Variants in SORCS3 observed in about 807,000 individuals in gnomAD.
SORCS3 encodes VPS10 domain-containing receptor SorCS3.
In SORCS3, 57 loss-of-function variants were observed where a neutral mutation model predicts 146.3. The ratio of observed to expected loss-of-function variants is 0.39; its 90% CI spans 0.31 to 0.49. The LOEUF (loss-of-function observed/expected upper bound fraction) is 0.49. Among genes scored for constraint, SORCS3 ranks in the 20% least tolerant of loss-of-function variants. SORCS3 has a pLI of 0.92. For missense variants in SORCS3, 1,341 were observed against 1,575.5 expected (o/e 0.85, Z 2.52); for synonymous variants, 653 against 618.5 (o/e 1.06, Z -0.83).
chr10:104,752,663 A>C (rs2017002465), intron 1 of SORCS3, among the ~76,000 whole-genome samples: 1 of 152,194 alleles, frequency 6.6e-6, no homozygotes, highest in Admixed American at 6.5e-5. Flanking sequence ...GCAGTGATTA[A>C]AATATAACTT....
chr10:105,261,073 A>G (rs1409763167), intron 25 of SORCS3, among the ~76,000 whole-genome samples: 2 of 152,256 alleles, frequency 1.3e-5, no homozygotes, highest in African/African-American at 2.4e-5. Context: ...AGTCGTGTGG[A>G]TAGCAGAGAG....
chr10:104,904,126 G>A (rs183846011), intron 2 of SORCS3, among the ~76,000 whole-genome samples: 2 of 152,164 alleles, frequency 1.3e-5, no homozygotes, highest in Admixed American at 1.3e-4. Context: ...GTATAAAGGA[G>A]TCCTGAGTCA....
chr10:104,721,884 T>C (rs1419742852), intron 1 of SORCS3, among the ~76,000 whole-genome samples: 1 of 152,180 alleles, frequency 6.6e-6, no homozygotes, highest in East Asian at 1.9e-4. Flanking sequence ...TGGGCTGAGA[T>C]GATGGGGTTT....
intron 4 of SORCS3, among the ~76,000 whole-genome samples, chr10:105,008,542 A>G (rs1022703382): frequency 2.0e-5 from 3 of 152,216 alleles, no homozygotes; most frequent in Non-Finnish European, 2.9e-5. Flanking sequence ...GAGGTGCTTC[A>G]TAGGCACAAT....
chr10:105,145,173 CA>C (rs1443212554), intron 8 of SORCS3, among the ~76,000 whole-genome samples: 1 of 152,090 alleles, frequency 6.6e-6, no homozygotes, highest in African/African-American at 2.4e-5. Flanking sequence ...CATTTTGATG[CA>C]CACCAAAGTT....
At chr10:104,652,534 A>G (rs978479350) in intron 1 of SORCS3, among the ~76,000 whole-genome samples, 2 of 152,216 alleles carry the variant, frequency 1.3e-5, no homozygotes, top group Non-Finnish European at 2.9e-5. Context: ...AAGGAGCTAG[A>G]GACCCTTTGA....
Position 105,002,776 on chromosome 10 carries a change from T to C in SORCS3, c.954+25283T>C. Among the ~76,000 whole-genome samples the C allele has an allele frequency of 1.3e-5, 2 of 152,248 alleles. 1 individual carries two copies. The highest frequency in any genetic ancestry group is 3.8e-4 in the East Asian group (2 of 5,196). ...GAAGGCCTGGATTGGAACCTGGCTC[T>C]GTTCCTTAGCATCTGTGTATTTGTA... On this transcript the variant is annotated intron_variant, in intron 4 of 26. Transcript: ENST00000369701.
intron 18 of SORCS3, 38 bp downstream of exon 18, chr10:105,214,651 A>G (rs776240288): frequency 1.1e-5 from 17 of 1,506,358 alleles, no homozygotes; most frequent in Admixed American, 2.2e-5. Context: ...CAGAACTCCC[A>G]ACCAGACCAT....
At chr10:105,107,667 T>C (rs528865129) in intron 7 of SORCS3, among the ~76,000 whole-genome samples, 2 of 152,344 alleles carry the variant, frequency 1.3e-5, no homozygotes, top group Non-Finnish European at 1.5e-5. Context: ...TGAGGTCCCC[T>C]GTTCTAGGTG....
At chr10:105,041,931 A>G (rs112222624) in intron 4 of SORCS3, among the ~76,000 whole-genome samples, 1,940 of 152,284 alleles carry the variant, frequency 0.013, 25 homozygotes, top group African/African-American at 0.034. Context: ...AACTTGGGTC[A>G]TGATTCCATG....
intron 2 of SORCS3, among the ~76,000 whole-genome samples, chr10:104,896,380 G>A (rs1172478287): frequency 2.0e-5 from 3 of 152,234 alleles, no homozygotes; most frequent in East Asian, 1.9e-4. Flanking sequence ...AAGCTACAGC[G>A]AATCAGCTGG....
rs574684973 is a variant in SORCS3, at chr10:105,084,503, CTT to C, written c.1029-5271_1029-5270del. The stretch of plus-strand genomic sequence containing the variant: ...TGCACTGAGTTTCTACAAGTGGAGA[CTT>C]GGGACTTTAAGACGAGGGACCTGAT... On this transcript the variant is annotated intron_variant, in intron 5 of 26. Transcript: ENST00000369701. Among the ~76,000 whole-genome samples the C allele has an allele frequency of 4.6e-5, 7 of 152,268 alleles. No homozygotes were observed. In the South Asian group the frequency reaches 1.5e-3, roughly 32 times the overall value.
chr10:104,673,627 T>A (rs536948725), intron 1 of SORCS3, among the ~76,000 whole-genome samples: 32 of 152,172 alleles, frequency 2.1e-4, no homozygotes, highest in African/African-American at 6.0e-4. Context: ...TTTAAATTTT[T>A]TTTTGGTAGA....
chr10:104,802,024 T>G (rs1210320283), intron 1 of SORCS3, among the ~76,000 whole-genome samples: 1 of 152,254 alleles, frequency 6.6e-6, no homozygotes, highest in East Asian at 1.9e-4. Flanking sequence ...CTTTTTACTT[T>G]ATTATATTTT....
At chr10:104,802,624 C>T (rs2017636740) in intron 1 of SORCS3, among the ~76,000 whole-genome samples, 1 of 152,108 alleles carries the variant, frequency 6.6e-6, no homozygotes, top group South Asian at 2.1e-4. Flanking sequence ...TTCAAGAGTC[C>T]AGTTAAGACC....
intron 2 of SORCS3, among the ~76,000 whole-genome samples, chr10:104,889,679 T>G (rs1294545408): frequency 1.3e-5 from 2 of 152,184 alleles, no homozygotes; most frequent in Non-Finnish European, 1.5e-5. Flanking sequence ...ACATTTTATT[T>G]CTATGCATGT....
At chr10:104,674,775 G>GT (rs1055745709) in intron 1 of SORCS3, among the ~76,000 whole-genome samples, 1 of 152,060 alleles carries the variant, frequency 6.6e-6, no homozygotes, top group Non-Finnish European at 1.5e-5. Flanking sequence ...TTTGTTAAGG[G>GT]TTTTTTTCAA....
At chr10:104,987,292 G>A (rs976767469) in intron 4 of SORCS3, among the ~76,000 whole-genome samples, 15 of 152,232 alleles carry the variant, frequency 9.9e-5, no homozygotes, top group South Asian at 4.1e-4. Flanking sequence ...AGCTAGGTCC[G>A]TTAAGATGAT....
chr10:105,017,460 G>A (rs1404129755), intron 4 of SORCS3, among the ~76,000 whole-genome samples: 1 of 152,180 alleles, frequency 6.6e-6, no homozygotes, highest in Non-Finnish European at 1.5e-5. Context: ...GTCTGCAAGG[G>A]TTTGCTAGCA....
Sources: gnomAD v4.1 joint callset for allele counts (sites outside exome capture counted in the v4.1 genomes callset) on GRCh38, gnomAD v4.1.1 for gene constraint, MANE v1.5 for transcripts, NCBI Gene and HGNC (gene_info 2026-07-23, HGNC 2026-07-21) for gene names.